The following PKNOX1 variants were observed in gnomAD, a reference collection of about 807,000 sequenced individuals.
PKNOX1 encodes PBX/knotted 1 homeobox 1.
Under a neutral mutation model 51.9 loss-of-function variants are expected in PKNOX1, and 15 were observed. That is an observed-to-expected ratio of 0.29 (90% CI 0.19 to 0.45). The LOEUF is 0.45. PKNOX1 is among the 20% of genes least tolerant of loss of function. PKNOX1 has a pLI of 1.00. For missense variants in PKNOX1, 462 were observed against 547.5 expected (o/e 0.84, Z 1.56); for synonymous variants, 219 against 211.1 (o/e 1.04, Z -0.32).
chr21:43,009,050 C>T (rs1453090138), intron 3 of PKNOX1, among the ~76,000 whole-genome samples: 1 of 152,168 alleles, frequency 6.6e-6, no homozygotes, highest in Non-Finnish European at 1.5e-5. Context: ...CGCGGTGGCT[C>T]ATGCCTGTAA....
chr21:43,001,315 C>G (rs1429374990), intron 1 of PKNOX1, among the ~76,000 whole-genome samples: 2 of 152,332 alleles, frequency 1.3e-5, no homozygotes, highest in Non-Finnish European at 2.9e-5. Flanking sequence ...AAGGGTGTAC[C>G]TGTGTTGATA....
At chr21:43,028,619 GTGTT>G in intron 9 of PKNOX1, 79 bp from the exon 10 acceptor site, 6 of 1,276,440 alleles carry the variant, frequency 4.7e-6, no homozygotes, top group Non-Finnish European at 6.7e-6. Context: ...GTAGAGCAGC[GTGTT>G]TGTTAGAAGG....
intron 9 of PKNOX1, 199 bp from the exon 10 acceptor site, chr21:43,028,502 CA>C (rs1980079123): frequency 6.7e-6 from 4 of 593,172 alleles, no homozygotes; most frequent in African/African-American, 5.6e-5. Flanking sequence ...ATTTTTAAAA[CA>C]ACAGGCTCTG....
intron 3 of PKNOX1, 89 bp from the exon 4 acceptor site, chr21:43,009,964 T>G (rs2146270003): frequency 5.8e-6 from 4 of 693,168 alleles, no homozygotes; most frequent in South Asian, 2.8e-5. Context: ...CCAACAGAGG[T>G]GTTAGTGAAG....
intron 7 of PKNOX1, among the ~76,000 whole-genome samples, chr21:43,018,737 CTA>C (rs1306877865): frequency 6.6e-6 from 1 of 152,030 alleles, no homozygotes; most frequent in Non-Finnish European, 1.5e-5. Flanking sequence ...TGCAGTGGCG[CTA>C]TCTCTGCGGC....
At chr21:42,999,813 A>G (rs552427355) in intron 1 of PKNOX1, among the ~76,000 whole-genome samples, 3 of 152,210 alleles carry the variant, frequency 2.0e-5, no homozygotes, top group South Asian at 2.1e-4. Flanking sequence ...TCAGGCTGCA[A>G]ATTTTCCAAA....
intron 1 of PKNOX1, among the ~76,000 whole-genome samples, chr21:42,993,164 C>T (rs1464411703): frequency 2.0e-5 from 3 of 152,098 alleles, no homozygotes; most frequent in Non-Finnish European, 2.9e-5. Context: ...CCTCGTGTCT[C>T]GATGGGAGAA....
rs200084508 is a variant in PKNOX1, at chr21:42,978,486, C to CTT, written c.-57+3838_-57+3839dup. Among the ~76,000 whole-genome samples the CTT allele has an allele frequency of 5.8e-4, 73 of 124,876 alleles. 1 individual carries two copies. Among genetic ancestry groups the CTT allele is most frequent in the South Asian group, 1.8e-3 (7 of 3,958 alleles). The allele number at this position is 124,876 out of a possible 152,430, so 81.9% of individuals were successfully genotyped here. A position where few individuals can be genotyped will look rare whatever the true frequency, so the allele number is the denominator to read the frequency against. ...CTAACTTGTTTTTTTCTTTTCTTTT[C>CTT]TTTTTTTTTTTTTTTTTGAGATGGA... On this transcript the variant is annotated intron_variant, in intron 1 of 10. Transcript: ENST00000291547.
intron 1 of PKNOX1, among the ~76,000 whole-genome samples, chr21:42,982,818 T>C (rs1200538533): frequency 6.6e-6 from 1 of 152,148 alleles, no homozygotes; most frequent in East Asian, 1.9e-4. Context: ...CATACTTTTT[T>C]TTCCCCCACG....
chr21:43,030,259 A>AGGTG lies in PKNOX1; in HGVS notation c.*158_*159insGGTG. On this transcript the variant is annotated 3_prime_UTR_variant, in exon 11 of 11. Transcript: ENST00000291547. ...CTTTGCCGGTGCAGCGACTTCTTTC[A>AGGTG]AGTGTGTGTGTGTGTGTGTGTGTGT... 2.0e-6 allele frequency: 1 copy of AGGTG among 500,816 alleles called. No homozygotes were observed. Among genetic ancestry groups the AGGTG allele is most frequent in the South Asian group, 2.6e-5 (1 of 38,268 alleles). The allele number at this position is 500,816 out of a possible 1,614,324, so 31.0% of individuals were successfully genotyped here.
intron 6 of PKNOX1, 170 bp from the exon 7 acceptor site, chr21:43,017,963 A>G: frequency 1.8e-6 from 1 of 553,862 alleles, no homozygotes; most frequent in Non-Finnish European, 3.1e-6. Flanking sequence ...TAATTCCAGC[A>G]CTTTGGGAGG....
At chr21:42,993,391 C>T (rs898904462) in intron 1 of PKNOX1, among the ~76,000 whole-genome samples, 6 of 152,166 alleles carry the variant, frequency 3.9e-5, no homozygotes, top group South Asian at 2.1e-4. Flanking sequence ...CGGGCCTCCA[C>T]GTTGCCCTGC....
In PKNOX1 at chr21:43,021,475, C is replaced by T. The variant is rs377634723; in HGVS notation, c.849+44C>T. The T allele has an allele frequency of 3.8e-5, 59 of 1,543,830 alleles. No homozygotes were observed. The highest frequency in any genetic ancestry group is 3.0e-4 in the East Asian group (13 of 43,048). ...GCCCTTGCCTTGCAGCCCTCTGCGA[C>T]GCTTGCTCTCTGGCTTATGTGTCAT... On this transcript the variant is annotated intron_variant, in intron 8 of 10. Coordinates refer to ENST00000291547, the MANE Select transcript of PKNOX1 (RefSeq NM_004571.5). This position sits in a 1 kb window ranked among gnomAD's most constrained non-coding sequence, Gnocchi z 4.6.
chr21:43,025,877 A>G (rs929442956), intron 9 of PKNOX1, among the ~76,000 whole-genome samples: 2 of 152,230 alleles, frequency 1.3e-5, no homozygotes, highest in South Asian at 2.1e-4. Context: ...TCGGGGTTGC[A>G]TAAGTACTTC....
At chr21:43,023,115 G>T (rs1460341412) in intron 8 of PKNOX1, among the ~76,000 whole-genome samples, 10 of 151,948 alleles carry the variant, frequency 6.6e-5, no homozygotes. Context: ...ACCCCCTGTA[G>T]TTTCCCGCAT....
At chr21:43,008,330 A>G (rs1248130863) in intron 3 of PKNOX1, among the ~76,000 whole-genome samples, 1 of 152,230 alleles carries the variant, frequency 6.6e-6, no homozygotes, top group African/African-American at 2.4e-5. Flanking sequence ...ACCAAAGACA[A>G]TACCAAATAA....
intron 1 of PKNOX1, among the ~76,000 whole-genome samples, chr21:42,976,189 C>G (rs1019741639): frequency 1.3e-5 from 2 of 152,156 alleles, no homozygotes; most frequent in Non-Finnish European, 2.9e-5. Flanking sequence ...TTTTTCAGTG[C>G]ATATGAAAGT....
intron 7 of PKNOX1, among the ~76,000 whole-genome samples, chr21:43,019,419 A>C (rs1468079025): frequency 2.0e-5 from 3 of 150,712 alleles, no homozygotes; most frequent in Non-Finnish European, 4.4e-5. Context: ...CAAAAAAAAA[A>C]CACACATTTT....
chr21:42,987,404 A>AAAATATAT, intron 1 of PKNOX1, among the ~76,000 whole-genome samples: 78 of 41,398 alleles, frequency 1.9e-3, no homozygotes, highest in South Asian at 3.9e-3. Flanking sequence ...AAAAAAAAAA[A>AAAATATAT]ATATATATAT....
Sources: allele counts gnomAD v4.1 joint callset (sites outside exome capture counted in the v4.1 genomes callset), GRCh38; gene constraint gnomAD v4.1.1; non-coding constraint Gnocchi (gnomAD v3.1); transcripts MANE v1.5; gene names NCBI Gene and HGNC (gene_info 2026-07-23, HGNC 2026-07-21).